DCTN4: variants seen among roughly 807,000 people sequenced by gnomAD.
DCTN4 encodes dynactin 4 (p62).
In DCTN4, 23 loss-of-function variants were observed where a neutral mutation model predicts 62.7. The ratio of observed to expected loss-of-function variants is 0.37; its 90% CI spans 0.26 to 0.52. DCTN4 has a LOEUF of 0.52. DCTN4 is among the 20% of genes least tolerant of loss of function. The pLI, the probability that DCTN4 is intolerant of heterozygous loss-of-function variation, is 0.92. For synonymous variants in DCTN4, 199 were observed against 202.1 expected, an observed-to-expected ratio of 0.98 and a Z score of 0.13; for missense variants, 514 against 580.4, an observed-to-expected ratio of 0.89 and a Z score of 1.18.
chr5:150,735,858 C>A (rs1760559826), intron 4 of DCTN4, among the ~76,000 whole-genome samples: 1 of 149,264 alleles, frequency 6.7e-6, no homozygotes, highest in Admixed American at 6.7e-5. Flanking sequence ...TATTAAGCTA[C>A]TCAAAAAGCT....
chr5:150,739,049 C>T (rs971904850), intron 4 of DCTN4, among the ~76,000 whole-genome samples: 4 of 151,942 alleles, frequency 2.6e-5, no homozygotes, highest in Non-Finnish European at 4.4e-5. Context: ...TGCGTGGTAG[C>T]GGGCGCCTGT....
chr5:150,719,721 T>C lies in DCTN4; in HGVS notation c.958A>G (p.Met320Val). 1 of 1,606,624 alleles carries C rather than the reference T, an allele frequency of 6.2e-7. No individual in the cohort carries two copies. The highest frequency in any genetic ancestry group is 8.5e-7 in the Non-Finnish European group (1 of 1,173,472). ...TTAATGAGCAAGGTACTAACCTTCA[T>C]GTAGCGAAGGTTGGGAATTGACATG... ...RIMSIPNLRY[M>V]KESQVLLTLT... The change falls in exon 10 of 13, where the codon ATG (methionine) becomes GTG (valine). Residue 320 changes from methionine (M) to valine (V), a missense_variant. By Grantham distance (21) the Met-to-Val change is conservative. Coordinates refer to ENST00000447998, the MANE Select transcript of DCTN4 (RefSeq NM_016221.4).
At chr5:150,720,667 G>T (rs757973437) in intron 9 of DCTN4, among the ~76,000 whole-genome samples, 1 of 152,052 alleles carries the variant, frequency 6.6e-6, no homozygotes, top group Non-Finnish European at 1.5e-5. Context: ...TTGTACAGAT[G>T]AGGACTCACT....
chr5:150,738,044 C>T (rs1760641392), intron 4 of DCTN4, among the ~76,000 whole-genome samples: 1 of 151,902 alleles, frequency 6.6e-6, no homozygotes, highest in Non-Finnish European at 1.5e-5. Context: ...TGGAAATATA[C>T]AACCCTCCTA....
chr5:150,752,389 T>C (rs762032475), intron 3 of DCTN4, among the ~76,000 whole-genome samples: 2 of 152,190 alleles, frequency 1.3e-5, no homozygotes, highest in Non-Finnish European at 2.9e-5. Context: ...AACATACCAA[T>C]TTTTCTCTTT....
chr5:150,730,491 G>T, intron 8 of DCTN4, 140 bp downstream of exon 8: 2 of 693,376 alleles, frequency 2.9e-6, no homozygotes, highest in South Asian at 1.8e-5. Context: ...TTAAAATAGT[G>T]CCTGGCAATT....
At chr5:150,733,789 T>C (rs372165968) in intron 4 of DCTN4, 2 of 218,492 alleles carry the variant, frequency 9.2e-6, no homozygotes, top group Non-Finnish European at 1.8e-5. Context: ...GGACCACTTA[T>C]TTCTAAGAAC....
rs377033056 is a variant in DCTN4 at position 150,715,629 on chromosome 5, C to T, written c.1105G>A (p.Gly369Ser). 1 of 1,614,124 alleles carries T rather than the reference C, an allele frequency of 6.2e-7. No individual in the cohort carries two copies. The highest frequency in any genetic ancestry group is 8.5e-7 in the Non-Finnish European group (1 of 1,180,016). ...VVPPKELVLA[G>S]KDAAAEYDEL... is the part of the protein sequence containing the mutation. ...TCGTACTCTGCTGCTGCATCCTTGC[C>T]AGCTAAAACGAGCTCTTTGGGAGGC... Residue 369 changes from glycine (G) to serine (S), a missense_variant, in exon 12 of 13, where the codon GGC (glycine) becomes AGC (serine). By Grantham distance (56) the Gly-to-Ser change is moderately conservative. Transcript: ENST00000447998.
intron 8 of DCTN4, among the ~76,000 whole-genome samples, chr5:150,724,519 T>C (rs760254850): frequency 2.6e-5 from 4 of 152,216 alleles, no homozygotes; most frequent in Non-Finnish European, 5.9e-5. Flanking sequence ...ATGAAACATT[T>C]CCCTACCCAG....
intron 5 of DCTN4, among the ~76,000 whole-genome samples, chr5:150,732,252 C>T (rs781117778): frequency 6.6e-6 from 1 of 152,170 alleles, no homozygotes; most frequent in East Asian, 1.9e-4. Context: ...TGGGTTCAAG[C>T]GATTCTCATG....
chr5:150,728,041 T>C (rs999572038), intron 8 of DCTN4, among the ~76,000 whole-genome samples: 2 of 152,122 alleles, frequency 1.3e-5, no homozygotes, highest in African/African-American at 4.8e-5. Context: ...ATTCTATAAA[T>C]TTTCATTTTC....
At chr5:150,720,586 T>C (rs569093353) in intron 9 of DCTN4, among the ~76,000 whole-genome samples, 2 of 151,836 alleles carry the variant, frequency 1.3e-5, no homozygotes, top group Non-Finnish European at 2.9e-5. Flanking sequence ...TCAAGTGACA[T>C]TCCCACCTCA....
At chr5:150,743,742 T>C (rs1465634598) in intron 3 of DCTN4, among the ~76,000 whole-genome samples, 2 of 152,232 alleles carry the variant, frequency 1.3e-5, no homozygotes, top group African/African-American at 4.8e-5. Context: ...CTGAGGGTCC[T>C]GTCTGTTAGA....
intron 8 of DCTN4, among the ~76,000 whole-genome samples, 192 bp from the exon 9 acceptor site, chr5:150,723,172 C>T (rs1332418112): frequency 6.6e-6 from 1 of 152,186 alleles, no homozygotes; most frequent in African/African-American, 2.4e-5. Flanking sequence ...CTGATATGTG[C>T]AACCCCACTA....
chr5:150,713,467 G>A (rs1246651741), intron 12 of DCTN4, among the ~76,000 whole-genome samples: 6 of 143,438 alleles, frequency 4.2e-5, no homozygotes, highest in East Asian at 4.0e-4. Flanking sequence ...TTTTTGAGAC[G>A]GAGTCTGGCT....
chr5:150,726,063 A>G (rs1760135244), intron 8 of DCTN4, among the ~76,000 whole-genome samples: 2 of 152,122 alleles, frequency 1.3e-5, no homozygotes, highest in South Asian at 4.1e-4. Flanking sequence ...TAAAAAAAAA[A>G]TAAGCTGGTA....
intron 10 of DCTN4, 51 bp downstream of exon 10, chr5:150,719,665 A>G: frequency 1.5e-6 from 2 of 1,318,086 alleles, no homozygotes; most frequent in Non-Finnish European, 2.2e-6. Context: ...ACACATGTAC[A>G]CACATCATTG....
chr5:150,719,619 G>A lies in DCTN4; in HGVS notation c.963+97C>T. 7 of 853,910 alleles carry A rather than the reference G, an allele frequency of 8.2e-6. No homozygotes were observed. In the South Asian group the frequency reaches 1.1e-4, roughly 13 times the overall value. The allele number at this position is 853,910 out of a possible 1,614,324, so 52.9% of individuals were successfully genotyped here. ...TCTTCTTTTCTATCCCTTGCTCACT[G>A]GATCCTGTGCCAAATACACACACAG... On this transcript the variant is annotated intron_variant, in intron 10 of 12. Transcript: ENST00000447998.
At chr5:150,744,039 C>T (rs548930866) in intron 3 of DCTN4, among the ~76,000 whole-genome samples, 23 of 151,958 alleles carry the variant, frequency 1.5e-4, no homozygotes, top group East Asian at 3.9e-4. Context: ...TTGAAAACTT[C>T]GAAAAAAATT....
Sources: allele counts gnomAD v4.1 joint callset (sites outside exome capture counted in the v4.1 genomes callset), GRCh38; gene constraint gnomAD v4.1.1; transcripts MANE v1.5; gene names NCBI Gene and HGNC (gene_info 2026-07-23, HGNC 2026-07-21).